The following HDLBP variants were observed in gnomAD, a reference collection of about 807,000 sequenced individuals.
The protein encoded by HDLBP is high density lipoprotein binding protein, also known as vigilin.
HDLBP carries 30 observed loss-of-function variants against 137.3 expected under a neutral mutation model. The ratio of observed to expected loss-of-function variants is 0.22; its 90% CI spans 0.16 to 0.30. The LOEUF is 0.30. HDLBP is among the 10% of genes least tolerant of loss of function. HDLBP has a pLI of 1.00. For synonymous variants in HDLBP, 606 were observed against 596.0 expected (o/e 1.02, Z -0.24); for missense variants, 1,119 against 1,667.3 (o/e 0.67, Z 5.73).
chr2:241,256,517 C>T lies in HDLBP; in HGVS notation c.657+83G>A, dbSNP rs982588108. 2.0e-6 allele frequency: 3 copies of T among 1,529,394 alleles called. No individual in the cohort carries two copies. In the Admixed American group the frequency reaches 5.1e-5, roughly 26 times the overall value. The allele number at this position is 1,529,394 out of a possible 1,614,324, so 94.7% of individuals were successfully genotyped here. Reference sequence around the variant, plus strand: ...CCCCACCACATTATGCCTTGAAGTCCACACTGGACACGGCAACCCATGAGG... The same window carrying T: ...CCCCACCACATTATGCCTTGAAGTCTACACTGGACACGGCAACCCATGAGG... On this transcript the variant is annotated intron_variant, in intron 6 of 27. Coordinates refer to ENST00000310931, the MANE Select transcript of HDLBP (RefSeq NM_005336.6).
chr2:241,311,529 C>T (rs1435477019), intron 1 of HDLBP, among the ~76,000 whole-genome samples: 5 of 152,094 alleles, frequency 3.3e-5, no homozygotes, highest in Non-Finnish European at 5.9e-5. Flanking sequence ...AGATTGGAGG[C>T]GCTGGGAGAG....
At chr2:241,255,979 C>T (rs59384702) in intron 7 of HDLBP, among the ~76,000 whole-genome samples, 35,672 of 152,174 alleles carry the variant, frequency 0.23, 4,700 homozygotes, top group Admixed American at 0.36. Flanking sequence ...AGGCCCAGGA[C>T]GGCAAGGACA....
At chr2:241,278,380 C>A (rs139589647) in intron 1 of HDLBP, among the ~76,000 whole-genome samples, 1 of 152,090 alleles carries the variant, frequency 6.6e-6, no homozygotes, top group African/African-American at 2.4e-5. Flanking sequence ...GTCAAGAGTT[C>A]GAGACCAGCC....
chr2:241,252,844 C>T, intron 11 of HDLBP, 113 bp downstream of exon 11: 2 of 652,580 alleles, frequency 3.1e-6, no homozygotes, highest in East Asian at 2.6e-5. Context: ...ACTCCCATTA[C>T]AGGCAGCAAT....
chr2:241,258,521 G>A (rs563666882), intron 5 of HDLBP, among the ~76,000 whole-genome samples: 1 of 152,078 alleles, frequency 6.6e-6, no homozygotes, highest in Admixed American at 6.5e-5. Flanking sequence ...GAGACCCTGT[G>A]TTACAACAAA....
chr2:241,265,705 A>T (rs1486841741), intron 3 of HDLBP, among the ~76,000 whole-genome samples: 1 of 152,222 alleles, frequency 6.6e-6, no homozygotes, highest in Non-Finnish European at 1.5e-5. Context: ...CAGGGGGATG[A>T]TCTCTGGAAT....
rs751647264 is a variant in HDLBP, at chr2:241,238,836, C to T, written c.2611-49G>A. 2 of 1,463,388 alleles carry T rather than the reference C, an allele frequency of 1.4e-6. No individual in the cohort carries two copies. The highest frequency in any genetic ancestry group is 4.4e-5 in the Admixed American group (2 of 45,532). The allele number at this position is 1,463,388 out of a possible 1,614,324, so 90.7% of individuals were successfully genotyped here. A position where few individuals can be genotyped will look rare whatever the true frequency, so the allele number is the denominator to read the frequency against. On this transcript the variant is annotated intron_variant, in intron 19 of 27. Coordinates refer to ENST00000310931, the MANE Select transcript of HDLBP (RefSeq NM_005336.6). The surrounding 1 kb of genome is among the most constrained non-coding windows in gnomAD (Gnocchi z 4.9). ...AAAGAAAAGAGCAAAGATTAAATTC[C>T]TTAGGGCAAGTTTTACAGCACTCTT...
chr2:241,264,664 C>G lies in HDLBP; in HGVS notation c.77-59G>C, dbSNP rs545557552. On this transcript the variant is annotated intron_variant, in intron 3 of 27. Transcript: ENST00000310931. ...TACTTTTAGCATTACATGAAAAACA[C>G]TTTTAAGGGTTTTAGTGCTTAAAAA... The G allele has an allele frequency of 4.5e-5, 70 of 1,540,570 alleles. 2 individuals carry two copies. The South Asian group carries it at 7.4e-4, about 16-fold the overall frequency.
At position 241,239,496 on chromosome 2, in the gene HDLBP, G is replaced by GT; in HGVS notation, c.2610+105dup. ...GCCCCTTCTGAAGCCTTCCAGGGCT[G>GT]TATGAGGGAGTCACCTCCCTACAGG... On this transcript the variant is annotated intron_variant, in intron 19 of 27. Coordinates refer to ENST00000310931, the MANE Select transcript of HDLBP (RefSeq NM_005336.6). This position sits in a 1 kb window ranked among gnomAD's most constrained non-coding sequence, Gnocchi z 4.6. 1 of 887,520 alleles carries GT rather than the reference G, an allele frequency of 1.1e-6. No homozygotes were observed. The highest frequency in any genetic ancestry group is 1.8e-6 in the Non-Finnish European group (1 of 552,288). 55.0% of individuals were successfully genotyped at this position (887,520 alleles called of 1,614,324 possible). A position where few individuals can be genotyped will look rare whatever the true frequency, so the allele number is the denominator to read the frequency against.
intron 5 of HDLBP, among the ~76,000 whole-genome samples, chr2:241,261,167 C>T (rs2073135927): frequency 2.2e-5 from 3 of 136,484 alleles, no homozygotes; most frequent in Non-Finnish European, 4.6e-5. Flanking sequence ...TGCACTCCAG[C>T]CTGGGCAACA....
intron 1 of HDLBP, among the ~76,000 whole-genome samples, chr2:241,283,091 G>A (rs1023033772): frequency 1.3e-5 from 2 of 152,222 alleles, no homozygotes; most frequent in African/African-American, 2.4e-5. Context: ...TGGTAAGAGA[G>A]CGAAACAGCC....
intron 8 of HDLBP, 24 bp from the exon 9 acceptor site, chr2:241,255,182 T>C: frequency 6.2e-7 from 1 of 1,603,832 alleles, no homozygotes; most frequent in South Asian, 1.1e-5. Flanking sequence ...AGAACAGCCA[T>C]GGGTTTGCAG....
intron 23 of HDLBP, among the ~76,000 whole-genome samples, 196 bp from the exon 24 acceptor site, chr2:241,234,159 TGGCTGCTCCACAA>T (rs1381889550): frequency 6.6e-6 from 1 of 152,198 alleles, no homozygotes; most frequent in Non-Finnish European, 1.5e-5. Flanking sequence ...CCAGGGAACT[TGGCTGCTCCACAA>T]GGAGGTCTAT....
chr2:241,247,697 G>A (rs1282504942), intron 14 of HDLBP, among the ~76,000 whole-genome samples: 1 of 152,160 alleles, frequency 6.6e-6, no homozygotes, highest in Non-Finnish European at 1.5e-5. Flanking sequence ...TACTGGATGG[G>A]ACAATTTCTC....
At chr2:241,250,110 T>A in intron 11 of HDLBP, 130 bp from the exon 12 acceptor site, 7 of 895,284 alleles carry the variant, frequency 7.8e-6, no homozygotes, top group Non-Finnish European at 1.2e-5. Flanking sequence ...AAACGATGCT[T>A]AGCTTCCCAA....
chr2:241,296,141 C>T (rs1431481308), intron 1 of HDLBP, among the ~76,000 whole-genome samples: 1 of 145,286 alleles, frequency 6.9e-6, no homozygotes, highest in Non-Finnish European at 1.5e-5. Context: ...CTAAAATTAG[C>T]AAAGCATACT....
Position 241,272,320 on chromosome 2 carries a change from G to A in HDLBP, c.-102-3779C>T, listed in dbSNP as rs1574993040. On this transcript the variant is annotated intron_variant, in intron 1 of 27. Coordinates refer to ENST00000310931, the MANE Select transcript of HDLBP (RefSeq NM_005336.6). This position sits in a 1 kb window ranked among gnomAD's most constrained non-coding sequence, Gnocchi z 5.6. ...CTGGCCGCACACGGCGCCCCCGCCG[G>A]AGCGGGGGAGGGGAGGGCCGGCCCC... The A allele has an allele frequency of 4.1e-6, 4 of 983,078 alleles. No individual in the cohort carries two copies. Among genetic ancestry groups the A allele is most frequent in the Non-Finnish European group, 3.6e-6 (3 of 828,102 alleles). 60.9% of individuals were successfully genotyped at this position (983,078 alleles called of 1,614,324 possible).
chr2:241,290,214 CAAG>C (rs2074966588), intron 1 of HDLBP, among the ~76,000 whole-genome samples: 1 of 151,968 alleles, frequency 6.6e-6, no homozygotes, highest in Non-Finnish European at 1.5e-5. Context: ...CAGAAAGAAA[CAAG>C]AAGAAAATGT....
At chr2:241,234,032 C>T in intron 23 of HDLBP, 69 bp from the exon 24 acceptor site, 1 of 1,563,574 alleles carries the variant, frequency 6.4e-7, no homozygotes. Flanking sequence ...ATTCCCCTTC[C>T]ACCCTGGTCA....
Sources: allele counts gnomAD v4.1 joint callset (sites outside exome capture counted in the v4.1 genomes callset), GRCh38; gene constraint gnomAD v4.1.1; non-coding constraint Gnocchi (gnomAD v3.1); transcripts MANE v1.5; gene names NCBI Gene and HGNC (gene_info 2026-07-23, HGNC 2026-07-21).